The following SRGAP3 variants were observed in gnomAD, a reference collection of about 807,000 sequenced individuals.
SRGAP3 encodes SLIT-ROBO Rho GTPase-activating protein 3.
A neutral mutation model predicts 121.1 loss-of-function variants in SRGAP3; 39 were observed. That is an observed-to-expected ratio of 0.32 (90% confidence interval 0.25 to 0.42). The LOEUF (loss-of-function observed/expected upper bound fraction) is 0.42. Among genes scored for constraint, SRGAP3 ranks in the 10% least tolerant of loss-of-function variants. The pLI is 1.00. For missense variants in SRGAP3, 1,213 were observed against 1,470.6 expected, an observed-to-expected ratio of 0.82 and a Z score of 2.86; for synonymous variants, 601 against 570.0, an observed-to-expected ratio of 1.05 and a Z score of -0.77.
intron 3 of SRGAP3, among the ~76,000 whole-genome samples, chr3:9,298,891 A>G (rs777191619): frequency 6.6e-6 from 1 of 151,832 alleles, no homozygotes; most frequent in Non-Finnish European, 1.5e-5. Context: ...ATCTCTACTA[A>G]AAATAGAAAA....
chr3:9,033,465 C>T (rs1174499696), intron 11 of SRGAP3: 1 of 152,230 alleles, frequency 6.6e-6, no homozygotes, highest in African/African-American at 2.4e-5. Context: ...GCCCTGTCGC[C>T]CAGGCTGGGG....
At chr3:9,001,818 A>AT (rs1942786407) in intron 18 of SRGAP3, among the ~76,000 whole-genome samples, 2 of 152,290 alleles carry the variant, frequency 1.3e-5, no homozygotes, top group Admixed American at 6.5e-5. Context: ...CTAGAGATAA[A>AT]TGGCAGCATT....
intron 1 of SRGAP3, among the ~76,000 whole-genome samples, chr3:9,195,188 C>G (rs1382331708): frequency 1.3e-5 from 2 of 152,210 alleles, no homozygotes; most frequent in Admixed American, 6.5e-5. Flanking sequence ...AAAATAACTG[C>G]AAGTGCACAG....
At chr3:9,131,286 G>T (rs1949434940) in intron 1 of SRGAP3, among the ~76,000 whole-genome samples, 1 of 152,040 alleles carries the variant, frequency 6.6e-6, no homozygotes, top group Non-Finnish European at 1.5e-5. Flanking sequence ...AAATTAAAAG[G>T]GGGATGTGGC....
chr3:9,056,083 T>A (rs1945805343), intron 8 of SRGAP3, 150 bp downstream of exon 8: 4 of 705,532 alleles, frequency 5.7e-6, no homozygotes, highest in Non-Finnish European at 9.9e-6. Context: ...TATTAATGAT[T>A]CTTGGTGTGT....
chr3:9,118,155 A>T (rs535291941), intron 2 of SRGAP3, among the ~76,000 whole-genome samples: 83 of 152,222 alleles, frequency 5.5e-4, no homozygotes, highest in African/African-American at 1.9e-3. Context: ...TATGTAAATA[A>T]ATAAATAGGG....
At chr3:9,305,361 C>G (rs1404517415) in intron 3 of SRGAP3, among the ~76,000 whole-genome samples, 1 of 125,680 alleles carries the variant, frequency 8.0e-6, no homozygotes, top group Non-Finnish European at 1.7e-5. Flanking sequence ...AGGAGGTCCT[C>G]TCTTTTTTTT....
At position 9,124,860 on chromosome 3, in the gene SRGAP3, C is replaced by T. The variant is rs1466873887; in HGVS notation, c.125G>A (p.Arg42Gln). Residue 42 changes from arginine to glutamine, a missense_variant, in exon 2 of 22, where the codon CGA becomes CAA. Around this residue, in one of 2 missense-constraint regions of SRGAP3, gnomAD observed 793 missense variants for 1,032.9 expected, o/e 0.77. Transcript: ENST00000383836. ...CTGGAGGTCTTGAAGCAGCTGCAGTCGCGACTCTGATTGCTGCTCCAGACA... is the reference window on the plus strand; with the variant it reads ...CTGGAGGTCTTGAAGCAGCTGCAGTTGCGACTCTGATTGCTGCTCCAGACA... The part of the protein sequence containing the change: ...FKCLEQQSES[R>Q]LQLLQDLQEF... 6.2e-7 allele frequency: 1 copy of T among 1,614,218 alleles called. No homozygotes were observed. The highest frequency in any genetic ancestry group is 1.3e-5 in the African/African-American group (1 of 75,068).
chr3:9,115,432 A>G (rs953531373), intron 2 of SRGAP3, among the ~76,000 whole-genome samples: 3 of 152,250 alleles, frequency 2.0e-5, no homozygotes, highest in African/African-American at 7.2e-5. Flanking sequence ...GTATATATGC[A>G]TATCAAAGTA....
rs557655893 is a variant in SRGAP3 at position 9,104,707 on chromosome 3, A to G, written c.396T>C (p.Ser132=). 4.5e-5 allele frequency: 73 copies of G among 1,614,164 alleles called. No individual in the cohort carries two copies. The South Asian group carries it at 7.8e-4, about 17-fold the overall frequency. Residue 132 remains serine, a synonymous_variant, in exon 3 of 22, where the codon AGT becomes AGC. Transcript: ENST00000383836. ...TTTTGAAGAGTCTGATGACATCCTC[A>G]CTGATCTGGGAGAGGCGGACGATGA... ...NNVIVRLSQI[S]EDVIRLFKKS... is the part of the protein sequence containing the mutation.
At chr3:9,178,087 G>T (rs193141278) in intron 1 of SRGAP3, among the ~76,000 whole-genome samples, 2 of 152,218 alleles carry the variant, frequency 1.3e-5, no homozygotes, top group Admixed American at 1.3e-4. Flanking sequence ...AGGAAACATG[G>T]TGAAACCCTG....
intron 3 of SRGAP3, among the ~76,000 whole-genome samples, chr3:9,101,455 G>A (rs902590472): frequency 2.6e-5 from 4 of 152,234 alleles, no homozygotes; most frequent in Non-Finnish European, 4.4e-5. Context: ...CACGTGACCC[G>A]TGCTGGACCA....
rs74898463 is a variant in SRGAP3 at position 9,041,469 on chromosome 3, T to C, written c.1409-3379A>G. Among the ~76,000 whole-genome samples, 787 of 152,376 alleles carry C rather than the reference T, an allele frequency of 5.2e-3. 3 individuals are homozygous for C. Among genetic ancestry groups the C allele is most frequent in the African/African-American group, 0.018 (734 of 41,594 alleles). Reference sequence around the variant, plus strand: ...ATTAAATAATATCTTTTCCTTCTCCTACCAAAACTGTACTGAAAACAAAGA... The same window carrying C: ...ATTAAATAATATCTTTTCCTTCTCCCACCAAAACTGTACTGAAAACAAAGA... On this transcript the variant is annotated intron_variant, in intron 10 of 21. Coordinates refer to ENST00000383836, the MANE Select transcript of SRGAP3 (RefSeq NM_014850.4).
chr3:9,202,859 C>T (rs1952115689), intron 1 of SRGAP3, among the ~76,000 whole-genome samples: 1 of 152,262 alleles, frequency 6.6e-6, no homozygotes, highest in Non-Finnish European at 1.5e-5. Context: ...CTCTCCAGAA[C>T]ATGCTCTAGG....
chr3:9,251,390 C>T (rs983573719), upstream of SRGAP3, among the ~76,000 whole-genome samples: 3 of 152,202 alleles, frequency 2.0e-5, no homozygotes, highest in Non-Finnish European at 4.4e-5. Context: ...CCTTTGCTGT[C>T]CTCTTCTAAC....
intron 1 of SRGAP3, among the ~76,000 whole-genome samples, chr3:9,158,731 C>T (rs1456379390): frequency 6.6e-6 from 1 of 152,120 alleles, no homozygotes; most frequent in East Asian, 1.9e-4. Flanking sequence ...GCAGTTGTTC[C>T]GTTCCTCAGA....
intron 18 of SRGAP3, among the ~76,000 whole-genome samples, chr3:8,998,839 T>C (rs1942572681): frequency 6.6e-6 from 1 of 152,168 alleles, no homozygotes; most frequent in Admixed American, 6.5e-5. Context: ...TTTGAGGCAC[T>C]ACCCTCATTT....
At chr3:9,023,537 T>G (rs909436382) in intron 14 of SRGAP3, among the ~76,000 whole-genome samples, 2 of 152,198 alleles carry the variant, frequency 1.3e-5, no homozygotes. Flanking sequence ...CTGGCTTTGC[T>G]GTTCCTCCCC....
rs201929980 is a variant in SRGAP3 at position 9,064,466 on chromosome 3, T to A, written c.602A>T (p.Asn201Ile). ...QFNKSGDLSMNLLRHEDRPQR... is the reference protein window; with the variant it reads ...QFNKSGDLSMILLRHEDRPQR... ...GGGCCGGTCCTCGTGCCGGAGCAGGTTCATGCTGAGGTCTCCTGACTTATT... is the reference window on the plus strand; with the variant it reads ...GGGCCGGTCCTCGTGCCGGAGCAGGATCATGCTGAGGTCTCCTGACTTATT... Residue 201 changes from asparagine to isoleucine, a missense_variant, in exon 5 of 22, where the codon AAC becomes ATC. Asn to Ile is a moderately radical substitution (Grantham distance 149). This residue lies in a region of SRGAP3 where 793 missense variants were observed against 1,032.9 expected (regional missense o/e 0.77). Coordinates refer to ENST00000383836, the MANE Select transcript of SRGAP3 (RefSeq NM_014850.4). The A allele has an allele frequency of 6.2e-7, 1 of 1,614,244 alleles. No homozygotes were observed. Among genetic ancestry groups the A allele is most frequent in the Non-Finnish European group, 8.5e-7 (1 of 1,180,052 alleles).
Sources: gnomAD v4.1 joint callset for allele counts (sites outside exome capture counted in the v4.1 genomes callset) on GRCh38, gnomAD v4.1.1 for gene constraint, gnomAD v4.1.1 regional missense constraint, MANE v1.5 for transcripts, NCBI Gene and HGNC (gene_info 2026-07-23, HGNC 2026-07-21) for gene names.